The following CCDC171 variants were observed in gnomAD, a reference collection of about 807,000 sequenced individuals.
The protein encoded by CCDC171 is coiled-coil domain-containing protein 171.
CCDC171 carries 177 observed loss-of-function variants against 168.2 expected under a neutral mutation model. The ratio of observed to expected loss-of-function variants is 1.05; its 90% CI spans 0.93 to 1.19. CCDC171 has a LOEUF of 1.19. Ranked by LOEUF, CCDC171 falls within the 50% of genes most tolerant of loss-of-function variation. The pLI is 0.00. For missense variants in CCDC171, 1,991 were observed against 1,539.0 expected (o/e 1.29, Z -4.91); for synonymous variants, 687 against 540.8 (o/e 1.27, Z -3.75).
intron 6 of CCDC171, among the ~76,000 whole-genome samples, chr9:15,614,221 G>C (rs1025956608): frequency 1.3e-5 from 2 of 152,168 alleles, no homozygotes; most frequent in Non-Finnish European, 2.9e-5. Flanking sequence ...GAATATGTCA[G>C]AGCTTTTCAA....
At chr9:16,009,826 A>C (rs1056153043) in intron 3 of CCDC171, among the ~76,000 whole-genome samples, 5 of 152,222 alleles carry the variant, frequency 3.3e-5, no homozygotes, top group Non-Finnish European at 7.3e-5. Flanking sequence ...TTGAGCTGCT[A>C]TAAAAATAAA....
intron 21 of CCDC171, among the ~76,000 whole-genome samples, chr9:15,845,877 C>T (rs1439756764): frequency 6.6e-6 from 1 of 152,060 alleles, no homozygotes; most frequent in African/African-American, 2.4e-5. Flanking sequence ...GAAAATACTT[C>T]TCTCAATTGT....
At chr9:16,006,197 C>T (rs1291279883) in intron 3 of CCDC171, among the ~76,000 whole-genome samples, 1 of 152,142 alleles carries the variant, frequency 6.6e-6, no homozygotes, top group Non-Finnish European at 1.5e-5. Flanking sequence ...AGTAACTCCA[C>T]CATTTTACAT....
At chr9:15,959,978 C>T (rs550189142) in intron 25 of CCDC171, among the ~76,000 whole-genome samples, 2 of 152,230 alleles carry the variant, frequency 1.3e-5, no homozygotes, top group Non-Finnish European at 2.9e-5. Flanking sequence ...CCTAGCAAGC[C>T]CCCTAATACA....
intron 25 of CCDC171, among the ~76,000 whole-genome samples, chr9:15,944,015 G>C (rs1828016903): frequency 6.6e-6 from 1 of 152,056 alleles, no homozygotes; most frequent in Non-Finnish European, 1.5e-5. Flanking sequence ...GCCTGTAAGA[G>C]AGTAAGGTTA....
At chr9:15,627,132 A>T (rs1313136857) in intron 7 of CCDC171, among the ~76,000 whole-genome samples, 1 of 152,194 alleles carries the variant, frequency 6.6e-6, no homozygotes, top group East Asian at 1.9e-4. Flanking sequence ...CTCTGATGGT[A>T]GTTTGTATTT....
At chr9:15,736,467 C>T (rs1051420764) in intron 16 of CCDC171, among the ~76,000 whole-genome samples, 3 of 151,906 alleles carry the variant, frequency 2.0e-5, no homozygotes, top group African/African-American at 7.3e-5. Flanking sequence ...TCCCCCACCT[C>T]AGCCTCCCAA....
chr9:16,013,833 C>T (rs779766263), intron 3 of CCDC171, among the ~76,000 whole-genome samples: 2 of 152,182 alleles, frequency 1.3e-5, no homozygotes, highest in Non-Finnish European at 2.9e-5. Flanking sequence ...AATGCAGATA[C>T]TTTAATTAAA....
chr9:15,769,269 G>T (rs1029526898), intron 18 of CCDC171, among the ~76,000 whole-genome samples: 3 of 152,164 alleles, frequency 2.0e-5, no homozygotes, highest in African/African-American at 7.2e-5. Context: ...GTCCAGGGAT[G>T]TAGCTTTCTT....
At chr9:15,663,172 G>C (rs1224855963) in intron 8 of CCDC171, among the ~76,000 whole-genome samples, 1 of 152,074 alleles carries the variant, frequency 6.6e-6, no homozygotes, top group Non-Finnish European at 1.5e-5. Flanking sequence ...TGTAGATCTG[G>C]GATTCAGCCT....
At chr9:15,872,832 G>A (rs1244254337) in intron 23 of CCDC171, among the ~76,000 whole-genome samples, 1 of 151,910 alleles carries the variant, frequency 6.6e-6, no homozygotes, top group Non-Finnish European at 1.5e-5. Flanking sequence ...TTTTATCTGA[G>A]TGCACATTGG....
At chr9:15,744,193 T>A (rs2055092066) in intron 16 of CCDC171, 80 bp from the exon 17 acceptor site, 1 of 1,176,864 alleles carries the variant, frequency 8.5e-7, no homozygotes, top group East Asian at 2.5e-5. Context: ...CAGCAAAAGT[T>A]TGTTTTCTTT....
intron 6 of CCDC171, among the ~76,000 whole-genome samples, chr9:15,598,059 C>G (rs2042517768): frequency 6.6e-6 from 1 of 152,000 alleles, no homozygotes; most frequent in Non-Finnish European, 1.5e-5. Flanking sequence ...ATTAGTCTTG[C>G]TAGCGGTCTA....
rs149515592 is a variant in CCDC171 at position 15,569,356 on chromosome 9, A to C, written c.42-2268A>C. Among the ~76,000 whole-genome samples, 35 of 152,350 alleles carry C rather than the reference A, an allele frequency of 2.3e-4. No homozygotes were observed. The East Asian group carries it at 5.6e-3, about 24-fold the overall frequency. Reference sequence around the variant, plus strand: ...GGTAATAGGGGGTCATAAAAGTACCAATCTCATGAGATTATTGTGAAGAAT... The same window carrying C: ...GGTAATAGGGGGTCATAAAAGTACCCATCTCATGAGATTATTGTGAAGAAT... On this transcript the variant is annotated intron_variant, in intron 2 of 25. Coordinates refer to ENST00000380701, the MANE Select transcript of CCDC171 (RefSeq NM_173550.4).
chr9:15,723,908 C>G (rs1217828042), intron 13 of CCDC171, among the ~76,000 whole-genome samples, 162 bp downstream of exon 13: 12 of 151,852 alleles, frequency 7.9e-5, no homozygotes, highest in Non-Finnish European at 1.2e-4. Flanking sequence ...TTAAGAGTAA[C>G]AAGAATGTTT....
intron 6 of CCDC171, among the ~76,000 whole-genome samples, chr9:15,616,248 A>T (rs908922964): frequency 6.6e-6 from 1 of 151,788 alleles, no homozygotes; most frequent in African/African-American, 2.4e-5. Context: ...CACCACGCCC[A>T]GCCATTTCTG....
chr9:16,098,508 G>T, the CCDC171 span, among the ~76,000 whole-genome samples: 1 of 152,224 alleles, frequency 6.6e-6, no homozygotes, highest in Non-Finnish European at 1.5e-5. Context: ...GAGTGTTGGA[G>T]TAAGCCACCT....
intron 6 of CCDC171, among the ~76,000 whole-genome samples, chr9:15,594,708 A>G (rs540634767): frequency 1.3e-5 from 2 of 152,280 alleles, no homozygotes; most frequent in Non-Finnish European, 1.5e-5. Context: ...GACTTAGGTT[A>G]TAGACTGAAT....
the CCDC171 span, among the ~76,000 whole-genome samples, chr9:16,098,337 C>T: frequency 6.6e-6 from 1 of 152,198 alleles, no homozygotes; most frequent in Non-Finnish European, 1.5e-5. Flanking sequence ...CTAGTGTCAT[C>T]ATCACCATCA....
Sources: allele counts gnomAD v4.1 joint callset (sites outside exome capture counted in the v4.1 genomes callset), GRCh38; gene constraint gnomAD v4.1.1; transcripts MANE v1.5; gene names NCBI Gene and HGNC (gene_info 2026-07-23, HGNC 2026-07-21).